The following LIG1 variants were observed in gnomAD, a reference collection of about 807,000 sequenced individuals.
LIG1 encodes the protein ligase I, DNA, ATP-dependent.
In LIG1, 70 loss-of-function variants were observed where a neutral mutation model predicts 115.7. The observed-to-expected ratio is 0.60, with a 90% confidence interval of 0.50 to 0.74. The LOEUF (loss-of-function observed/expected upper bound fraction) is 0.74, where lower values mean the gene tolerates loss of function less well. Ranked by LOEUF, LIG1 falls within the 30% of genes least tolerant of loss-of-function variation. The probability of loss-of-function intolerance (pLI) is 0.00; values close to 1 mark genes in which losing one functional copy is unlikely to be tolerated. For synonymous variants in LIG1, 487 were observed against 495.3 expected (o/e 0.98, Z 0.22); for missense variants, 1,115 against 1,225.6 (o/e 0.91, Z 1.35).
intron 14 of LIG1, 97 bp from the exon 15 acceptor site, chr19:48,136,222 C>T: frequency 1.2e-6 from 1 of 842,494 alleles, no homozygotes; most frequent in South Asian, 1.5e-5. Flanking sequence ...GTATGTAGAC[C>T]CTCTCCTCAA....
At chr19:48,124,600 A>G (rs2033539427) in intron 21 of LIG1, among the ~76,000 whole-genome samples, 4 of 152,240 alleles carry the variant, frequency 2.6e-5, no homozygotes, top group Admixed American at 1.3e-4. Context: ...GTAAAATTCC[A>G]TGTTAATAAT....
chr19:48,129,988 T>A (rs1196475301), intron 19 of LIG1, among the ~76,000 whole-genome samples: 1 of 152,120 alleles, frequency 6.6e-6, no homozygotes, highest in African/African-American at 2.4e-5. Flanking sequence ...ACTCCTGACC[T>A]CAGGTGATCC....
In LIG1 at chr19:48,155,039, G is replaced by A. The variant is rs3730883; in HGVS notation, c.371-1072C>T. ...CTCCAGGCCTCAGCATGTGAGGTTT[G>A]GGACATAGCTCAATGTTGCTCCCTC... is the stretch of plus-strand genomic sequence containing the variant. On this transcript the variant is annotated intron_variant, in intron 5 of 27. Coordinates refer to ENST00000263274, the MANE Select transcript of LIG1 (RefSeq NM_000234.3). Among the ~76,000 whole-genome samples the A allele has an allele frequency of 5.7e-3, 870 of 152,196 alleles. 24 individuals are homozygous for A. The East Asian group carries it at 0.08, about 14-fold the overall frequency.
At chr19:48,153,637 AAC>A (rs36171813) in intron 6 of LIG1, among the ~76,000 whole-genome samples, 9,487 of 58,610 alleles carry the variant, frequency 0.16, 935 homozygotes, top group Admixed American at 0.2. Flanking sequence ...GCAGATCCAA[AAC>A]ACACACACAC....
intron 4 of LIG1, among the ~76,000 whole-genome samples, chr19:48,160,986 G>A (rs555884712): frequency 8.8e-4 from 134 of 152,104 alleles, no homozygotes; most frequent in African/African-American, 3.0e-3. Context: ...ATCCTCCCAC[G>A]TTGGCCTCCC....
chr19:48,120,066 A>G (rs1246354849), intron 24 of LIG1: 1 of 457,318 alleles, frequency 2.2e-6, no homozygotes, highest in East Asian at 1.6e-4. Context: ...AATAATGCAA[A>G]ATGGTGACAA....
rs3730877 is a variant in LIG1, at chr19:48,155,992, G to A, written c.370+1022C>T. On this transcript the variant is annotated intron_variant, in intron 5 of 27. Coordinates refer to ENST00000263274, the MANE Select transcript of LIG1 (RefSeq NM_000234.3). ...GCTAAAGCGCTCAATAGGCTAGACC[G>A]GACGGCAAGGGCTCACACTGCCCCG... Among the ~76,000 whole-genome samples the A allele has an allele frequency of 6.9e-3, 1,051 of 152,280 alleles. 14 individuals carry two copies. The highest frequency in any genetic ancestry group is 0.023 in the African/African-American group (955 of 41,552).
Position 48,140,107 on chromosome 19 carries a change from G to A in LIG1, c.951C>T (p.Arg317=), listed in dbSNP as rs1364558818. ...RMVETLSNLL[R]SVVALSPPDL... ...CTGGAGGCGACAGGGCCACCACGGAGCGCAGCAAGTTGCTCAGCGTCTCCA... is the reference window on the plus strand; with the variant it reads ...CTGGAGGCGACAGGGCCACCACGGAACGCAGCAAGTTGCTCAGCGTCTCCA... The change falls in exon 12 of 28, where the codon CGC becomes CGT. Residue 317 remains arginine (R), a synonymous_variant. Coordinates refer to ENST00000263274, the MANE Select transcript of LIG1 (RefSeq NM_000234.3). 17 of 1,613,702 alleles carry A rather than the reference G, an allele frequency of 1.1e-5. No homozygotes were observed. Among genetic ancestry groups the A allele is most frequent in the Non-Finnish European group, 1.4e-5 (16 of 1,180,034 alleles).
At chr19:48,128,644 T>C (rs1389974412) in intron 19 of LIG1, among the ~76,000 whole-genome samples, 2 of 152,184 alleles carry the variant, frequency 1.3e-5, no homozygotes, top group South Asian at 2.1e-4. Context: ...CCCCTGCCCC[T>C]GTCTGTCTCC....
chr19:48,129,762 A>T (rs2033899029), intron 19 of LIG1, among the ~76,000 whole-genome samples: 1 of 151,940 alleles, frequency 6.6e-6, no homozygotes, highest in Non-Finnish European at 1.5e-5. Flanking sequence ...TTGATTTTTT[A>T]TTTTTATTTT....
intron 6 of LIG1, among the ~76,000 whole-genome samples, chr19:48,153,405 A>T (rs2035597800): frequency 7.5e-6 from 1 of 134,180 alleles, no homozygotes; most frequent in Non-Finnish European, 1.7e-5. Flanking sequence ...AAAGGAAATC[A>T]TTTAGAGGAA....
intron 3 of LIG1, among the ~76,000 whole-genome samples, chr19:48,162,044 A>G (rs928559157): frequency 6.6e-6 from 1 of 152,284 alleles, no homozygotes; most frequent in South Asian, 2.1e-4. Context: ...CTGGTTCTAG[A>G]ACGAGGCCAA....
rs372571036 is a variant in LIG1, at chr19:48,169,381, A to C, written c.-58+860T>G. On this transcript the variant is annotated intron_variant, in intron 1 of 27. Coordinates refer to ENST00000263274, the MANE Select transcript of LIG1 (RefSeq NM_000234.3). The stretch of plus-strand genomic sequence containing the variant: ...TAGTTAACAGAACTGTATTGATGTC[A>C]ATTTCCTGGTTTCGATATTGGGACT... Among the ~76,000 whole-genome samples, 223 of 152,308 alleles carry C rather than the reference A, an allele frequency of 1.5e-3. 7 individuals are homozygous for C. In the South Asian group the frequency reaches 0.036, roughly 25 times the overall value.
intron 18 of LIG1, among the ~76,000 whole-genome samples, chr19:48,132,187 G>A (rs539394253): frequency 7.9e-5 from 12 of 152,124 alleles, no homozygotes; most frequent in East Asian, 3.9e-4. Flanking sequence ...TAACTGCCCC[G>A]AGCCCTGTGG....
intron 21 of LIG1, among the ~76,000 whole-genome samples, chr19:48,126,434 C>T (rs1314331581): frequency 1.3e-5 from 2 of 151,984 alleles, no homozygotes; most frequent in African/African-American, 4.8e-5. Context: ...GGTGAAACCC[C>T]GTCTCTACTA....
chr19:48,117,806 A>C, intron 25 of LIG1, 25 bp from the exon 26 acceptor site: 2 of 1,610,226 alleles, frequency 1.2e-6, no homozygotes, highest in Non-Finnish European at 8.5e-7. Flanking sequence ...GGAAGAGAGG[A>C]ACAGAGGGTC....
rs778758382 is a variant in LIG1 at position 48,150,120 on chromosome 19, CG to C, written c.664del (p.Arg222AlafsTer22). 1 of 1,614,168 alleles carries C rather than the reference CG, an allele frequency of 6.2e-7. No individual in the cohort carries two copies. The highest frequency in any genetic ancestry group is 8.5e-7 in the Non-Finnish European group (1 of 1,180,022). On this transcript the variant is annotated frameshift_variant, in exon 8 of 28. Coordinates refer to ENST00000263274, the MANE Select transcript of LIG1 (RefSeq NM_000234.3). LOFTEE classifies it high-confidence loss of function. ...GCTGCTGAGCGTCTTGGGAGCTCTG[CG>C]GGGAGGCTTGGTCTGCTCTTCCTCC... ...QEEEEQTKPP[R>X]RAPKTLSSFF... is the part of the protein sequence containing the mutation.
rs1317050168 is a variant in LIG1 at position 48,126,953 on chromosome 19, T to C, written c.2004+324A>G. On this transcript the variant is annotated intron_variant, in intron 21 of 27. Coordinates refer to ENST00000263274, the MANE Select transcript of LIG1 (RefSeq NM_000234.3). The stretch of plus-strand genomic sequence containing the variant: ...AGACTAGAGGCATTATTTTACACTT[T>C]TGCAAATCCTCTAATATCTGGCTTA... 4.9e-5 allele frequency: 17 copies of C among 346,438 alleles called. No individual in the cohort carries two copies. The East Asian group carries it at 1.0e-3, about 21-fold the overall frequency. The allele number at this position is 346,438 out of a possible 1,614,324, so 21.5% of individuals were successfully genotyped here.
chr19:48,161,608 C>T lies in LIG1; in HGVS notation c.108-101G>A, dbSNP rs549683161. 8 of 1,359,664 alleles carry T rather than the reference C, an allele frequency of 5.9e-6. No individual in the cohort carries two copies. The South Asian group carries it at 9.6e-5, about 16-fold the overall frequency. 84.2% of individuals were successfully genotyped at this position (1,359,664 alleles called of 1,614,324 possible). ...GGTTTCTTTGCTGTTTCCTTCCCTTCCTTTCAAGCATCCAATGAACATTTT... is the reference window on the plus strand; with the variant it reads ...GGTTTCTTTGCTGTTTCCTTCCCTTTCTTTCAAGCATCCAATGAACATTTT... On this transcript the variant is annotated intron_variant, in intron 3 of 27. Transcript: ENST00000263274.
Sources: gnomAD v4.1 joint callset for allele counts (sites outside exome capture counted in the v4.1 genomes callset) on GRCh38, gnomAD v4.1.1 for gene constraint, MANE v1.5 for transcripts, NCBI Gene and HGNC (gene_info 2026-07-23, HGNC 2026-07-21) for gene names.